CNKSR3: variants seen among roughly 807,000 people sequenced by gnomAD.
CNKSR3 encodes CNKSR family member 3.
A neutral mutation model predicts 67.7 loss-of-function variants in CNKSR3; 36 were observed. That is an observed-to-expected ratio of 0.53 (90% CI 0.41 to 0.70). CNKSR3 has a LOEUF of 0.70. Among genes scored for constraint, CNKSR3 ranks in the 30% least tolerant of loss-of-function variants. The probability of loss-of-function intolerance (pLI) is 0.00; values close to 1 mark genes in which losing one functional copy is unlikely to be tolerated. For synonymous variants in CNKSR3, 281 were observed against 271.4 expected, an observed-to-expected ratio of 1.04 and a Z score of -0.35; for missense variants, 630 against 695.2, an observed-to-expected ratio of 0.91 and a Z score of 1.05.
rs998241956 is a variant in CNKSR3, at chr6:154,390,610, G to A, written c.*15744C>T. The A allele has an allele frequency of 6.6e-6, 1 of 152,134 alleles. No individual in the cohort carries two copies. Among genetic ancestry groups the A allele is most frequent in the African/African-American group, 2.4e-5 (1 of 41,396 alleles). 9.4% of individuals were successfully genotyped at this position (152,134 alleles called of 1,614,324 possible). A position where few individuals can be genotyped will look rare whatever the true frequency, so the allele number is the denominator to read the frequency against. On this transcript the variant is annotated 3_prime_UTR_variant, in exon 13 of 13. Coordinates refer to ENST00000607772, the MANE Select transcript of CNKSR3 (RefSeq NM_173515.4). ...GGACACAATTGCCTAGTGCCCCGTT[G>A]TGTCTCTGTTTGGCTCATTTTGAAG...
intron 1 of CNKSR3, among the ~76,000 whole-genome samples, chr6:154,476,923 C>T (rs1786464206): frequency 1.3e-5 from 2 of 152,156 alleles, no homozygotes; most frequent in Admixed American, 1.3e-4. Context: ...GTTCGGTTAT[C>T]AGGAAAATCC....
At chr6:154,425,596 A>T (rs958013280) in intron 7 of CNKSR3, among the ~76,000 whole-genome samples, 12 of 152,216 alleles carry the variant, frequency 7.9e-5, no homozygotes, top group African/African-American at 2.7e-4. Context: ...TGGAGGACAG[A>T]AGTATGGATG....
intron 1 of CNKSR3, among the ~76,000 whole-genome samples, chr6:154,453,135 T>C (rs374742388): frequency 1.4e-3 from 211 of 152,378 alleles, no homozygotes; most frequent in African/African-American, 4.8e-3. Context: ...TTCGTTTTCA[T>C]GTACAGCATA....
Position 154,422,529 on chromosome 6 carries a change from GT to G in CNKSR3, c.921del (p.Arg308GlyfsTer27). On this transcript the variant is annotated frameshift_variant, in exon 9 of 13. Coordinates refer to ENST00000607772, the MANE Select transcript of CNKSR3 (RefSeq NM_173515.4). LOFTEE classifies it high-confidence loss of function. ...ACCTGTACAAGAGGTGGCTTCCACC[GT>G]AGGTTTTTCAGGGGAGCAGGAGTAA... ...FNFTPAPLKN[L>X]RWKPPLVQTS... 1 of 1,614,126 alleles carries G rather than the reference GT, an allele frequency of 6.2e-7. No homozygotes were observed. Among genetic ancestry groups the G allele is most frequent in the Non-Finnish European group, 8.5e-7 (1 of 1,180,010 alleles).
At chr6:154,506,586 G>T (rs1190229622) in intron 1 of CNKSR3, among the ~76,000 whole-genome samples, 5 of 152,218 alleles carry the variant, frequency 3.3e-5, no homozygotes, top group Admixed American at 2.0e-4. Context: ...TTGCACTGAA[G>T]CATTAAGTAT....
chr6:154,471,495 G>A (rs1269379083), intron 1 of CNKSR3, among the ~76,000 whole-genome samples: 3 of 152,062 alleles, frequency 2.0e-5, no homozygotes, highest in South Asian at 2.1e-4. Flanking sequence ...AGCCAAGATC[G>A]CATCATTGCA....
At chr6:154,464,816 G>T (rs890091043) in intron 1 of CNKSR3, among the ~76,000 whole-genome samples, 1 of 152,046 alleles carries the variant, frequency 6.6e-6, no homozygotes, top group African/African-American at 2.4e-5. Flanking sequence ...GGACGTCATG[G>T]CATAGGAGGG....
chr6:154,444,520 A>G (rs1161503503), intron 2 of CNKSR3, among the ~76,000 whole-genome samples: 1 of 152,074 alleles, frequency 6.6e-6, no homozygotes, highest in Non-Finnish European at 1.5e-5. Context: ...AATAAGGAAA[A>G]CTGTCCAGTG....
At chr6:154,412,571 G>A (rs1246834794) in intron 10 of CNKSR3, among the ~76,000 whole-genome samples, 1 of 152,140 alleles carries the variant, frequency 6.6e-6, no homozygotes, top group Non-Finnish European at 1.5e-5. Context: ...AAGACTACCT[G>A]TAACTTTAAA....
intron 1 of CNKSR3, among the ~76,000 whole-genome samples, chr6:154,508,041 T>A (rs1195772793): frequency 6.6e-6 from 1 of 152,194 alleles, no homozygotes; most frequent in African/African-American, 2.4e-5. Context: ...CTGTTACCAT[T>A]TTTCTGATTG....
At chr6:154,421,653 C>T (rs142370257) in intron 9 of CNKSR3, among the ~76,000 whole-genome samples, 242 of 152,262 alleles carry the variant, frequency 1.6e-3, no homozygotes, top group Non-Finnish European at 2.7e-3. Context: ...CTATTATCAG[C>T]GCAGATTGGC....
chr6:154,504,512 C>T (rs143002049), intron 1 of CNKSR3, among the ~76,000 whole-genome samples: 4 of 152,284 alleles, frequency 2.6e-5, no homozygotes, highest in East Asian at 1.9e-4. Flanking sequence ...AAACTGAGTC[C>T]GGCTCCAGAG....
At chr6:154,489,795 G>A (rs186838505) in intron 1 of CNKSR3, among the ~76,000 whole-genome samples, 2 of 152,252 alleles carry the variant, frequency 1.3e-5, no homozygotes, top group East Asian at 3.9e-4. Context: ...TATCCCACCA[G>A]AGTGAAGTCT....
In CNKSR3 at chr6:154,510,134, C is replaced by T. The variant is rs1448658181; in HGVS notation, c.-20G>A. On this transcript the variant is annotated 5_prime_UTR_variant, in exon 1 of 13. Transcript: ENST00000607772. ...TTCCATGGTAAACCGCTTCGCCTCT[C>T]GCTGGGCTGGAGAGTCGCAGATAAA... 1.2e-6 allele frequency: 2 copies of T among 1,613,974 alleles called. No individual in the cohort carries two copies. The highest frequency in any genetic ancestry group is 8.5e-7 in the Non-Finnish European group (1 of 1,179,972).
intron 1 of CNKSR3, among the ~76,000 whole-genome samples, chr6:154,462,235 T>TC (rs557411989): frequency 7.5e-6 from 1 of 134,050 alleles, no homozygotes; most frequent in African/African-American, 2.7e-5. Flanking sequence ...TAGAAGTCCC[T>TC]CCCCCCGAAA....
At chr6:154,432,213 G>A (rs1269247243) in intron 5 of CNKSR3, among the ~76,000 whole-genome samples, 1 of 152,142 alleles carries the variant, frequency 6.6e-6, no homozygotes, top group Admixed American at 6.6e-5. Context: ...ATAGGTATAT[G>A]GCGGTATCTC....
chr6:154,428,079 A>G (rs1474854749), intron 7 of CNKSR3, 49 bp downstream of exon 7: 1 of 1,227,536 alleles, frequency 8.1e-7, no homozygotes, highest in Non-Finnish European at 1.2e-6. Context: ...TGTGGATCAA[A>G]TCTGTTTAAA....
intron 2 of CNKSR3, among the ~76,000 whole-genome samples, chr6:154,442,697 A>G (rs1785624983): frequency 6.6e-6 from 1 of 151,952 alleles, no homozygotes; most frequent in African/African-American, 2.4e-5. Context: ...TAGTCACTTG[A>G]AAAAAACCTT....
Position 154,441,295 on chromosome 6 carries a change from C to T in CNKSR3, c.504G>A (p.Gln168=), listed in dbSNP as rs141828289. 7.7e-5 allele frequency: 114 copies of T among 1,490,188 alleles called. 1 individual carries two copies. The African/African-American group carries it at 1.2e-3, about 15-fold the overall frequency. 92.3% of individuals were successfully genotyped at this position (1,490,188 alleles called of 1,614,324 possible). ...QLCLDLTTTV[Q]KDCFVAEMED... ...GTGAAAATGACATACTACTGACCTT[C>T]TGGACTGTAGTGGTCAGGTCCAAGC... The change falls in exon 4 of 13, where the codon CAG becomes CAA. Residue 168 remains glutamine (Q), a synonymous_variant. Coordinates refer to ENST00000607772, the MANE Select transcript of CNKSR3 (RefSeq NM_173515.4).
Sources: allele counts gnomAD v4.1 joint callset (sites outside exome capture counted in the v4.1 genomes callset), GRCh38; gene constraint gnomAD v4.1.1; transcripts MANE v1.5; gene names NCBI Gene and HGNC (gene_info 2026-07-23, HGNC 2026-07-21).